Variants in DGKK observed in about 807,000 individuals in gnomAD.
DGKK encodes the protein diacylglycerol kinase kappa, also known as 142 kDa diacylglycerol kinase.
DGKK carries 35 observed loss-of-function variants against 92.2 expected under a neutral mutation model. That is an observed-to-expected ratio of 0.38 (90% CI 0.29 to 0.50). The LOEUF (loss-of-function observed/expected upper bound fraction) is 0.50, where lower values mean the gene tolerates loss of function less well. Among genes scored for constraint, DGKK ranks in the 20% least tolerant of loss-of-function variants. DGKK has a pLI of 0.92. For synonymous variants in DGKK, 368 were observed against 360.6 expected (o/e 1.02, Z -0.23); for missense variants, 910 against 992.2 (o/e 0.92, Z 1.11).
rs1416549405 is a variant in DGKK, at chrX:50,378,238, A to G, written c.2977-6T>C. On this transcript the variant is annotated splice_polypyrimidine_tract_variant and splice_region_variant and intron_variant, in intron 21 of 27. Transcript: ENST00000611977. ...GTTATCATCACCTCATGGCACTGCC[A>G]GAGAAAATGAGGAAGAATGGGAGAG... The G allele has an allele frequency of 6.6e-6, 8 of 1,204,250 alleles. No individual in the cohort carries two copies. The highest frequency in any genetic ancestry group is 2.2e-5 in the Admixed American group (1 of 45,018).
intron 4 of DGKK, among the ~76,000 whole-genome samples, chrX:50,410,253 A>C (rs1925271258): frequency 8.9e-6 from 1 of 112,314 alleles, no homozygotes; most frequent in Non-Finnish European, 1.9e-5. Flanking sequence ...AGAGCTCAGA[A>C]AGGGAAAAGG....
chrX:50,374,516 C>T (rs782142432), intron 25 of DGKK, among the ~76,000 whole-genome samples: 7 of 111,155 alleles, frequency 6.3e-5, no homozygotes, highest in African/African-American at 1.6e-4. Context: ...CCTTAGGAAA[C>T]GAATATATTA....
chrX:50,388,618 C>T lies in DGKK; in HGVS notation c.1927G>A (p.Ala643Thr). 8.4e-7 allele frequency: 1 copy of T among 1,193,436 alleles called. No individual in the cohort carries two copies. The highest frequency in any genetic ancestry group is 1.1e-6 in the Non-Finnish European group (1 of 883,004). The change falls in exon 13 of 28, where the codon GCT becomes ACT. Residue 643 changes from alanine to threonine, a missense_variant and splice_region_variant. By Grantham distance (58) the Ala-to-Thr change is moderately conservative. Transcript: ENST00000611977. The part of the protein sequence containing the change: ...QVEMDVPRFE[A>T]AAIQHLESAA... The stretch of plus-strand genomic sequence containing the variant: ...GATTCTAAGTGTTGGATGGCAGCAG[C>T]CTAGGGGCAAAAGGAGTTCTTAGCC...
Position 50,470,141 on chromosome X carries a change from A to T in DGKK, c.538T>A (p.Cys180Ser). The T allele has an allele frequency of 8.3e-7, 1 of 1,212,007 alleles. No individual in the cohort carries two copies. ...GTGTCCACCGGACATTGCAATAGACATGGTGCTGGACTTGGACGGAACTCT... is the reference window on the plus strand; with the variant it reads ...GTGTCCACCGGACATTGCAATAGACTTGGTGCTGGACTTGGACGGAACTCT... ...APEFRPSPAP[C>S]LLQCPVDTRE... The change falls in exon 1 of 28, where the codon TGT becomes AGT. Residue 180 changes from cysteine (C) to serine (S), a missense_variant. By Grantham distance (112) the Cys-to-Ser change is moderately radical (BLOSUM62 -1). Coordinates refer to ENST00000611977, the MANE Select transcript of DGKK (RefSeq NM_001013742.4).
Position 50,386,589 on chromosome X carries a change from A to G in DGKK, c.2119-3T>C, listed in dbSNP as rs1263578212. ...AGCCTATCATACATTAAGTCACTCT[A>G]TATAGAAAGGAAGGAGACAGGGCAT... On this transcript the variant is annotated splice_region_variant and splice_polypyrimidine_tract_variant and intron_variant, in intron 14 of 27. Coordinates refer to ENST00000611977, the MANE Select transcript of DGKK (RefSeq NM_001013742.4). 1 of 1,200,239 alleles carries G rather than the reference A, an allele frequency of 8.3e-7. No individual in the cohort carries two copies. Among genetic ancestry groups the G allele is most frequent in the Non-Finnish European group, 1.1e-6 (1 of 886,838 alleles).
In DGKK at chrX:50,376,795, G is replaced by T. The variant is rs782228365; in HGVS notation, c.3235C>A (p.Gln1079Lys). Residue 1079 changes from glutamine (Q) to lysine (K), a missense_variant, in exon 23 of 28, where the codon CAG becomes AAG. Transcript: ENST00000611977. ...TTTTCTGCAAGCCGAGCTAAGTGCT[G>T]CATCTGGGCATACTCCTCGTCAGAG... is the stretch of plus-strand genomic sequence containing the variant. Reference protein sequence around the residue: ...SLSDEEYAQMQHLARLAENLI... With the variant: ...SLSDEEYAQMKHLARLAENLI... 2.8e-5 allele frequency: 34 copies of T among 1,202,766 alleles called. No homozygotes were observed. The highest frequency in any genetic ancestry group is 3.8e-5 in the Non-Finnish European group (34 of 891,336).
chrX:50,376,742 AG>A lies in DGKK; in HGVS notation c.3272+15del. The stretch of plus-strand genomic sequence containing the variant: ...TCTTAGGATTCTCAGCCCTGTATCT[AG>A]GCCAGTCCACTTACTTGCTGATGAG... On this transcript the variant is annotated intron_variant, in intron 23 of 27. Coordinates refer to ENST00000611977, the MANE Select transcript of DGKK (RefSeq NM_001013742.4). The A allele has an allele frequency of 8.5e-7, 1 of 1,172,110 alleles. No individual in the cohort carries two copies. The highest frequency in any genetic ancestry group is 1.1e-6 in the Non-Finnish European group (1 of 873,549).
At chrX:50,400,475 T>C (rs1557226504) in intron 8 of DGKK, among the ~76,000 whole-genome samples, 2 of 112,314 alleles carry the variant, frequency 1.8e-5, no homozygotes, top group East Asian at 5.6e-4. Flanking sequence ...TTGTTAATTG[T>C]TGTATTATAT....
At chrX:50,439,759 T>C (rs1926122276) in intron 1 of DGKK, among the ~76,000 whole-genome samples, 1 of 111,222 alleles carries the variant, frequency 9.0e-6, no homozygotes, top group Non-Finnish European at 1.9e-5. Flanking sequence ...CAAAGATCAC[T>C]GGGAAAAGAA....
intron 1 of DGKK, among the ~76,000 whole-genome samples, chrX:50,447,153 A>C (rs1557231961): frequency 1.0e-5 from 1 of 97,939 alleles, no homozygotes; most frequent in Non-Finnish European, 2.0e-5. Flanking sequence ...CCATTTATAA[A>C]AATTAAATAG....
intron 1 of DGKK, among the ~76,000 whole-genome samples, chrX:50,431,948 G>A (rs781878149): frequency 4.5e-5 from 5 of 111,679 alleles, no homozygotes; most frequent in Non-Finnish European, 9.4e-5. Flanking sequence ...GCATGTGCCT[G>A]CCACTCTGTG....
At position 50,412,471 on chromosome X, in the gene DGKK, C is replaced by T. The variant is rs963369196; in HGVS notation, c.942+7932G>A. Among the ~76,000 whole-genome samples the T allele has an allele frequency of 6.2e-5, 7 of 112,016 alleles. No individual in the cohort carries two copies. In the Admixed American group the frequency reaches 6.6e-4, roughly 11 times the overall value. On this transcript the variant is annotated intron_variant, in intron 4 of 27. Coordinates refer to ENST00000611977, the MANE Select transcript of DGKK (RefSeq NM_001013742.4). ...CCTTTCCTCTAAGATCATCCAGTGT[C>T]ATTTTTCACACAAATGGAAAAAAAT...
At chrX:50,383,986 CA>C (rs1206111531) in intron 17 of DGKK, among the ~76,000 whole-genome samples, 181 bp downstream of exon 17, 1 of 112,098 alleles carries the variant, frequency 8.9e-6, no homozygotes, top group Admixed American at 9.5e-5. Flanking sequence ...ACCCATGATG[CA>C]AGTTCTACAA....
At chrX:50,378,447 CT>C in intron 21 of DGKK, 130 bp downstream of exon 21, 1 of 752,553 alleles carries the variant, frequency 1.3e-6, no homozygotes, top group Non-Finnish European at 1.9e-6. Flanking sequence ...CAGCACTTTA[CT>C]GCCCACCAGA....
intron 1 of DGKK, among the ~76,000 whole-genome samples, chrX:50,451,558 T>C (rs1306671306): frequency 9.0e-6 from 1 of 111,360 alleles, no homozygotes; most frequent in Non-Finnish European, 1.9e-5. Flanking sequence ...AGAATATATA[T>C]ATGAGATAGT....
chrX:50,382,066 G>A (rs57808995), intron 18 of DGKK, among the ~76,000 whole-genome samples: 1,981 of 111,954 alleles, frequency 0.018, 48 homozygotes, highest in African/African-American at 0.062. Context: ...AAATTAACGG[G>A]TTCAGGGGAA....
chrX:50,397,071 G>A (rs1924871624), intron 8 of DGKK, among the ~76,000 whole-genome samples: 1 of 112,018 alleles, frequency 8.9e-6, no homozygotes, highest in African/African-American at 3.2e-5. Flanking sequence ...TTGCCCTTTA[G>A]GCTCAAGGAC....
intron 22 of DGKK, among the ~76,000 whole-genome samples, chrX:50,377,397 T>C (rs1557223962): frequency 1.8e-5 from 2 of 112,604 alleles, no homozygotes; most frequent in Admixed American, 9.4e-5. Context: ...CTGGTCCTCA[T>C]TTTCCTCATC....
intron 1 of DGKK, among the ~76,000 whole-genome samples, chrX:50,449,505 T>C (rs1280284565): frequency 9.0e-6 from 1 of 111,405 alleles, no homozygotes; most frequent in African/African-American, 3.3e-5. Context: ...TGCGCAGAGA[T>C]AGAAGCCACA....
Sources: allele counts gnomAD v4.1 joint callset (sites outside exome capture counted in the v4.1 genomes callset), GRCh38; gene constraint gnomAD v4.1.1; transcripts MANE v1.5; gene names NCBI Gene and HGNC (gene_info 2026-07-23, HGNC 2026-07-21).